The following RABGAP1L variants were observed in gnomAD, a reference collection of about 807,000 sequenced individuals.
RABGAP1L encodes RAB GTPase activating protein 1 like, also known as rab GTPase-activating protein 1-like.
In RABGAP1L, 63 loss-of-function variants were observed where a neutral mutation model predicts 137.7. That is an observed-to-expected ratio of 0.46 (90% confidence interval 0.37 to 0.56). The LOEUF (loss-of-function observed/expected upper bound fraction) is 0.56, where lower values mean the gene tolerates loss of function less well. Among genes scored for constraint, RABGAP1L ranks in the 20% least tolerant of loss-of-function variants. RABGAP1L has a pLI of 0.00. For missense variants in RABGAP1L, 1,095 were observed against 1,244.0 expected (o/e 0.88, Z 1.80); for synonymous variants, 431 against 433.7 (o/e 0.99, Z 0.08).
chr1:174,513,473 G>C (rs1558298111), intron 13 of RABGAP1L, among the ~76,000 whole-genome samples: 1 of 151,998 alleles, frequency 6.6e-6, no homozygotes, highest in Non-Finnish European at 1.5e-5. Flanking sequence ...AAATAGCCAG[G>C]CTTGGTGATA....
intron 17 of RABGAP1L, among the ~76,000 whole-genome samples, chr1:174,740,119 T>C (rs1683265223): frequency 6.6e-6 from 1 of 152,224 alleles, no homozygotes; most frequent in South Asian, 2.1e-4. Context: ...CTCCTGCTGG[T>C]GATTTTTTAA....
chr1:174,785,564 A>G (rs925049717), intron 18 of RABGAP1L, among the ~76,000 whole-genome samples: 5 of 152,246 alleles, frequency 3.3e-5, no homozygotes, highest in African/African-American at 1.2e-4. Context: ...CTTGCTGCTT[A>G]GGCATTCTTG....
intron 22 of RABGAP1L, among the ~76,000 whole-genome samples, chr1:174,978,343 C>T (rs1331540691): frequency 1.3e-5 from 2 of 152,136 alleles, no homozygotes; most frequent in African/African-American, 4.8e-5. Flanking sequence ...TAACTCTAGT[C>T]CCCAAAGCCT....
At chr1:174,182,651 G>A (rs1259131763) in intron 1 of RABGAP1L, among the ~76,000 whole-genome samples, 1 of 152,178 alleles carries the variant, frequency 6.6e-6, no homozygotes, top group East Asian at 1.9e-4. Context: ...TTCTGAGTCT[G>A]AATATTTCCA....
At chr1:174,741,045 GTTT>G (rs60884941) in intron 17 of RABGAP1L, among the ~76,000 whole-genome samples, 3 of 119,918 alleles carry the variant, frequency 2.5e-5, no homozygotes, top group African/African-American at 8.1e-5. Context: ...TTTTTGTTTT[GTTT>G]TTTTTTTTTT....
chr1:174,705,992 A>G (rs1428828635), intron 17 of RABGAP1L, among the ~76,000 whole-genome samples: 1 of 152,204 alleles, frequency 6.6e-6, no homozygotes, highest in Non-Finnish European at 1.5e-5. Flanking sequence ...GTAGAAAAGT[A>G]TTGACTTTTC....
intron 14 of RABGAP1L, among the ~76,000 whole-genome samples, chr1:174,647,592 T>C (rs1675082023): frequency 6.6e-6 from 1 of 152,114 alleles, no homozygotes; most frequent in African/African-American, 2.4e-5. Flanking sequence ...TTTCATTTGC[T>C]ACTGGGTTCA....
At chr1:174,692,971 A>G (rs1333925975) in intron 15 of RABGAP1L, among the ~76,000 whole-genome samples, 1 of 152,176 alleles carries the variant, frequency 6.6e-6, no homozygotes, top group East Asian at 1.9e-4. Flanking sequence ...CTGAAATTAC[A>G]TCTATTGGTA....
intron 19 of RABGAP1L, among the ~76,000 whole-genome samples, chr1:174,863,325 C>T (rs1451507415): frequency 6.8e-6 from 1 of 147,272 alleles, no homozygotes; most frequent in African/African-American, 2.5e-5. Context: ...TTGTCATTTA[C>T]TTTAGTTAAT....
chr1:174,251,203 C>G (rs887255864), intron 6 of RABGAP1L, among the ~76,000 whole-genome samples: 1 of 152,032 alleles, frequency 6.6e-6, no homozygotes, highest in African/African-American at 2.4e-5. Context: ...GCCACAGTCA[C>G]TTTTAACATT....
chr1:174,749,175 C>CA (rs199615357), intron 17 of RABGAP1L, among the ~76,000 whole-genome samples: 167 of 118,802 alleles, frequency 1.4e-3, no homozygotes, highest in East Asian at 2.9e-3. Context: ...GACTCTGTCT[C>CA]AAAAAAAAAA....
At chr1:174,948,338 T>G (rs545261495) in intron 19 of RABGAP1L, among the ~76,000 whole-genome samples, 38 of 151,746 alleles carry the variant, frequency 2.5e-4, no homozygotes, top group Non-Finnish European at 3.2e-4. Flanking sequence ...CTGGTCAACA[T>G]AGCGAGACCC....
rs1281855441 is a variant in RABGAP1L at position 174,448,441 on chromosome 1, G to A, written c.1710+54296G>A. 2 of 1,613,590 alleles carry A rather than the reference G, an allele frequency of 1.2e-6. No homozygotes were observed. Among genetic ancestry groups the A allele is most frequent in the Admixed American group, 3.3e-5 (2 of 59,996 alleles). ...TCCACTACTCCACAGGTGTCCACGA[G>A]TCATTGACTTGCCAGGTTTTTGGAT... On this transcript the variant is annotated intron_variant, in intron 13 of 25. Transcript: ENST00000681986. This position sits in a 1 kb window ranked among gnomAD's most constrained non-coding sequence, Gnocchi z 4.2.
chr1:174,861,587 C>G (rs1222236366), intron 19 of RABGAP1L, among the ~76,000 whole-genome samples: 1 of 151,996 alleles, frequency 6.6e-6, no homozygotes, highest in Non-Finnish European at 1.5e-5. Context: ...TATAAAAGTT[C>G]TCTTTTCTCC....
At chr1:174,784,277 C>T (rs1482737254) in intron 18 of RABGAP1L, among the ~76,000 whole-genome samples, 2 of 152,034 alleles carry the variant, frequency 1.3e-5, no homozygotes, top group African/African-American at 2.4e-5. Flanking sequence ...CCTCGGCTCC[C>T]GAAAGTGCTG....
rs563905111 is a variant in RABGAP1L, at chr1:174,290,902, CA to C, written c.1323+12125del. Among the ~76,000 whole-genome samples, 153 of 152,036 alleles carry C rather than the reference CA, an allele frequency of 1.0e-3. 1 individual carries two copies. Among genetic ancestry groups the C allele is most frequent in the Admixed American group, 5.7e-3 (87 of 15,268 alleles). The stretch of plus-strand genomic sequence containing the variant: ...TCAGCCTCCCGAGTAGCTGGGACTA[CA>C]AGCATGTGCCACCACACCTGGCTAA... On this transcript the variant is annotated intron_variant, in intron 10 of 25. Coordinates refer to ENST00000681986, the MANE Select transcript of RABGAP1L (RefSeq NM_001366446.1).
chr1:174,957,891 T>C (rs1413912284), intron 20 of RABGAP1L: 3 of 1,580,048 alleles, frequency 1.9e-6, no homozygotes, highest in Non-Finnish European at 2.6e-6. Context: ...TTTCTTTCAG[T>C]TTGTATATTT....
At chr1:174,787,006 G>T (rs940107840) in intron 18 of RABGAP1L, among the ~76,000 whole-genome samples, 2 of 152,188 alleles carry the variant, frequency 1.3e-5, no homozygotes, top group Non-Finnish European at 2.9e-5. Context: ...AGGGGAGACA[G>T]ACGTGCCTAC....
intron 13 of RABGAP1L, among the ~76,000 whole-genome samples, chr1:174,513,856 C>A (rs1472458337): frequency 6.6e-6 from 1 of 152,034 alleles, no homozygotes; most frequent in African/African-American, 2.4e-5. Context: ...CAAATAACAT[C>A]TTTGTTAGAT....
Sources: gnomAD v4.1 joint callset for allele counts (sites outside exome capture counted in the v4.1 genomes callset) on GRCh38, gnomAD v4.1.1 for gene constraint, Gnocchi (gnomAD v3.1) non-coding constraint, MANE v1.5 for transcripts, NCBI Gene and HGNC (gene_info 2026-07-23, HGNC 2026-07-21) for gene names.